Variants in SPIDR observed in about 807,000 individuals in gnomAD.
SPIDR encodes scaffold protein involved in DNA repair.
SPIDR carries 93 observed loss-of-function variants against 104.6 expected under a neutral mutation model. The ratio of observed to expected loss-of-function variants is 0.89; its 90% CI spans 0.75 to 1.06. The LOEUF (loss-of-function observed/expected upper bound fraction) is 1.06. SPIDR is among the 50% of genes least tolerant of loss of function. The pLI is 0.00. For synonymous variants in SPIDR, 431 were observed against 416.9 expected (o/e 1.03, Z -0.41); for missense variants, 1,154 against 1,111.2 (o/e 1.04, Z -0.55).
intron 8 of SPIDR, among the ~76,000 whole-genome samples, chr8:47,450,994 T>G (rs1200392107): frequency 6.6e-6 from 1 of 152,102 alleles, no homozygotes; most frequent in African/African-American, 2.4e-5. Flanking sequence ...AATGTCCAAT[T>G]CTCAACAAAA....
chr8:47,341,520 T>A (rs1444449475), intron 5 of SPIDR, among the ~76,000 whole-genome samples: 1 of 152,220 alleles, frequency 6.6e-6, no homozygotes, highest in Non-Finnish European at 1.5e-5. Context: ...GGTTAGTAAA[T>A]ACTAAATTCC....
intron 8 of SPIDR, among the ~76,000 whole-genome samples, chr8:47,567,780 C>CTTTTTTTTTTTTTTTTTTTTTTTT (rs35199139): frequency 4.6e-4 from 33 of 71,018 alleles, no homozygotes; most frequent in Non-Finnish European, 5.3e-4. Flanking sequence ...TTTTCTTTTT[C>CTTTTTTTTTTTTTTTTTTTTTTTT]TTTTTTTTTT....
At chr8:47,499,958 C>A (rs914113298) in intron 8 of SPIDR, among the ~76,000 whole-genome samples, 9 of 152,174 alleles carry the variant, frequency 5.9e-5, no homozygotes, top group African/African-American at 2.2e-4. Flanking sequence ...CATATCCCTA[C>A]AAAGGACATG....
At chr8:47,596,080 A>AC in intron 9 of SPIDR, 74 bp downstream of exon 9, 2 of 1,356,334 alleles carry the variant, frequency 1.5e-6, no homozygotes, top group Non-Finnish European at 2.0e-6. Context: ...GCTTCAGTGT[A>AC]AGTGAAGATG....
chr8:47,485,149 T>C (rs2077386784), intron 8 of SPIDR, among the ~76,000 whole-genome samples: 1 of 152,226 alleles, frequency 6.6e-6, no homozygotes, highest in Non-Finnish European at 1.5e-5. Flanking sequence ...ACTCCCACCC[T>C]AACACAGTGG....
chr8:47,694,351 G>T (rs2154480444), intron 11 of SPIDR, among the ~76,000 whole-genome samples: 1 of 152,326 alleles, frequency 6.6e-6, no homozygotes, highest in Non-Finnish European at 1.5e-5. Flanking sequence ...CCTGCTGTGT[G>T]GGGGAAGATG....
chr8:47,323,596 C>CT (rs1324174694), intron 5 of SPIDR, among the ~76,000 whole-genome samples: 2 of 151,968 alleles, frequency 1.3e-5, no homozygotes, highest in Admixed American at 6.6e-5. Context: ...AGGTATTTAA[C>CT]TTTTTTTTAG....
intron 8 of SPIDR, among the ~76,000 whole-genome samples, chr8:47,591,828 G>A (rs145452110): frequency 7.9e-5 from 12 of 152,016 alleles, no homozygotes; most frequent in Middle Eastern, 6.8e-3. Flanking sequence ...GCAGCTAACC[G>A]GACAACTACC....
At chr8:47,571,052 C>T (rs939009002) in intron 8 of SPIDR, among the ~76,000 whole-genome samples, 7 of 151,644 alleles carry the variant, frequency 4.6e-5, no homozygotes, top group Non-Finnish European at 7.4e-5. Flanking sequence ...GATCGCACCA[C>T]GGCACTCCAG....
chr8:47,288,933 C>T (rs2039388829), intron 3 of SPIDR, among the ~76,000 whole-genome samples: 1 of 152,086 alleles, frequency 6.6e-6, no homozygotes, highest in Non-Finnish European at 1.5e-5. Flanking sequence ...CCATGACATA[C>T]ATCTGGTATA....
chr8:47,679,497 C>T lies in SPIDR; in HGVS notation c.1685+5556C>T, dbSNP rs534179883. 2.7e-3 allele frequency among the ~76,000 whole-genome samples: 415 copies of T among 151,048 alleles called. 2 individuals carry two copies. The highest frequency in any genetic ancestry group is 9.6e-3 in the African/African-American group (394 of 41,052). ...GTGCTGGCCTGTGTCAGGTGCCTAC[C>T]TCCCCCCACCCCTTCCAGTGCTGGC... is the stretch of plus-strand genomic sequence containing the variant. On this transcript the variant is annotated intron_variant, in intron 11 of 19. Transcript: ENST00000297423.
At chr8:47,558,409 CT>C (rs1182584552) in intron 8 of SPIDR, among the ~76,000 whole-genome samples, 1 of 152,002 alleles carries the variant, frequency 6.6e-6, no homozygotes, top group South Asian at 2.1e-4. Flanking sequence ...AAACAGAGCT[CT>C]TTTCTTGAGC....
chr8:47,735,247 T>C (rs1193848849), intron 19 of SPIDR, 60 bp from the exon 20 acceptor site: 2 of 1,547,106 alleles, frequency 1.3e-6, no homozygotes, highest in East Asian at 4.5e-5. Flanking sequence ...TTTTCCGTGT[T>C]GTTGGGAACA....
At chr8:47,333,029 CTT>C (rs2154269281) in intron 5 of SPIDR, among the ~76,000 whole-genome samples, 1 of 151,086 alleles carries the variant, frequency 6.6e-6, no homozygotes, top group Admixed American at 6.6e-5. Context: ...TCAATTTTGT[CTT>C]TTGTTGCCAT....
At chr8:47,466,566 A>G (rs2074812164) in intron 8 of SPIDR, among the ~76,000 whole-genome samples, 1 of 152,168 alleles carries the variant, frequency 6.6e-6, no homozygotes. Context: ...CACATCAAAA[A>G]GTTAGAAAGA....
intron 5 of SPIDR, among the ~76,000 whole-genome samples, chr8:47,345,494 G>A (rs2051761575): frequency 6.6e-6 from 1 of 152,060 alleles, no homozygotes; most frequent in African/African-American, 2.4e-5. Flanking sequence ...TTTCAATTCT[G>A]TGAAGAAAGT....
rs139376838 is a variant in SPIDR, at chr8:47,691,424, A to G, written c.1686-8979A>G. 2.4e-4 allele frequency among the ~76,000 whole-genome samples: 36 copies of G among 152,308 alleles called. No individual in the cohort carries two copies. In the East Asian group the frequency reaches 3.7e-3, roughly 16 times the overall value. ...CATAGGCTATTCTTAGCGGAGATCA[A>G]TCTCTGGAGTCAGAATGCCTGATCA... On this transcript the variant is annotated intron_variant, in intron 11 of 19. Transcript: ENST00000297423.
chr8:47,592,911 A>C (rs1227523836), intron 8 of SPIDR, among the ~76,000 whole-genome samples: 10 of 151,408 alleles, frequency 6.6e-5, no homozygotes, highest in Non-Finnish European at 1.5e-4. Context: ...TTTGAAGAGG[A>C]GTTTTGCTTT....
chr8:47,514,757 A>G (rs918021653), intron 8 of SPIDR, among the ~76,000 whole-genome samples: 29 of 152,278 alleles, frequency 1.9e-4, no homozygotes, highest in Middle Eastern at 3.4e-3. Flanking sequence ...GAAAAGGAAA[A>G]ACAAATAAAC....
Sources: allele counts gnomAD v4.1 joint callset (sites outside exome capture counted in the v4.1 genomes callset), GRCh38; gene constraint gnomAD v4.1.1; transcripts MANE v1.5; gene names NCBI Gene and HGNC (gene_info 2026-07-23, HGNC 2026-07-21).